Variants in HYDIN observed in about 807,000 individuals in gnomAD.
HYDIN encodes axonemal central pair apparatus protein HYDIN.
In HYDIN, 132 loss-of-function variants were observed where a neutral mutation model predicts 403.9. The observed-to-expected ratio is 0.33, with a 90% CI of 0.28 to 0.38. The LOEUF is 0.38. Ranked by LOEUF, HYDIN falls within the 10% of genes least tolerant of loss-of-function variation. The pLI, the probability that HYDIN is intolerant of heterozygous loss-of-function variation, is 1.00. For synonymous variants in HYDIN, 1,202 were observed against 1,891.7 expected (o/e 0.64, Z 9.46); for missense variants, 2,827 against 5,009.5 (o/e 0.56, Z 13.15).
In HYDIN at chr16:71,186,917, A is replaced by T. The variant is rs767522291; in HGVS notation, c.-22T>A. On this transcript the variant is annotated splice_region_variant and 5_prime_UTR_variant, in exon 2 of 86. Transcript: ENST00000393567. Reference sequence around the variant, plus strand: ...TCATTTTTAGTAATTTTTTTTTCTCACCTAAGAGTGAAACAAAAATGTCTT... The same window carrying T: ...TCATTTTTAGTAATTTTTTTTTCTCTCCTAAGAGTGAAACAAAAATGTCTT... 5 of 1,595,312 alleles carry T rather than the reference A, an allele frequency of 3.1e-6. No individual in the cohort carries two copies. Among genetic ancestry groups the T allele is most frequent in the Non-Finnish European group, 8.5e-7 (1 of 1,170,948 alleles).
At chr16:70,946,989 G>T (rs1011261880) in intron 41 of HYDIN, among the ~76,000 whole-genome samples, 6 of 151,924 alleles carry the variant, frequency 3.9e-5, no homozygotes, top group Non-Finnish European at 8.8e-5. Flanking sequence ...CTACAAACAG[G>T]GACAATTTGA....
Position 70,855,228 on chromosome 16 carries a change from C to G in HYDIN, c.12343G>C (p.Gly4115Arg), listed in dbSNP as rs772166531. 1.9e-6 allele frequency: 3 copies of G among 1,569,944 alleles called. No homozygotes were observed. The highest frequency in any genetic ancestry group is 2.6e-6 in the Non-Finnish European group (3 of 1,163,668). ...TVQIINKEEQ[G>R]FDFSFQDNSR... ...TTGTCCTGGAAGGAAAAATCGAACC[C>G]CTGCTCCTCCTTGTTAATGATCTGC... Residue 4115 changes from glycine (G) to arginine (R), a missense_variant, in exon 73 of 86, where the codon GGG (glycine) becomes CGG (arginine). Coordinates refer to ENST00000393567, the MANE Select transcript of HYDIN (RefSeq NM_001270974.2).
intron 84 of HYDIN, among the ~76,000 whole-genome samples, chr16:70,816,317 T>A (rs2035837888): frequency 6.6e-6 from 1 of 152,088 alleles, no homozygotes; most frequent in Admixed American, 6.5e-5. Flanking sequence ...GTTCAGAAAT[T>A]AAGAAACTCT....
intron 1 of HYDIN, among the ~76,000 whole-genome samples, chr16:71,188,515 C>A (rs1397537210): frequency 6.6e-6 from 1 of 152,084 alleles, no homozygotes; most frequent in Non-Finnish European, 1.5e-5. Context: ...AAATCATTAA[C>A]AACACAAAGA....
chr16:71,203,111 C>T (rs2088107191), intron 1 of HYDIN, among the ~76,000 whole-genome samples: 1 of 152,036 alleles, frequency 6.6e-6, no homozygotes, highest in Admixed American at 6.6e-5. Flanking sequence ...AGAGCAAAGC[C>T]AAGTATATAA....
rs190727701 is a variant in HYDIN at position 70,984,378 on chromosome 16, T to C, written c.4332+807A>G. Among the ~76,000 whole-genome samples the C allele has an allele frequency of 2.3e-3, 300 of 132,704 alleles. 2 individuals are homozygous for C. Among genetic ancestry groups the C allele is most frequent in the African/African-American group, 8.2e-3 (281 of 34,208 alleles). 87.1% of individuals were successfully genotyped at this position (132,704 alleles called of 152,430 possible). On this transcript the variant is annotated intron_variant, in intron 28 of 85. Transcript: ENST00000393567. The stretch of plus-strand genomic sequence containing the variant: ...CCAGTCTAGGTGACAGAGCCAGACA[T>C]GGTCTTAAAAAAAAAAAAAAAAAAA...
At chr16:71,027,407 C>A in intron 20 of HYDIN, 195 bp downstream of exon 20, 3 of 1,462,062 alleles carry the variant, frequency 2.1e-6, no homozygotes, top group East Asian at 2.5e-5. Context: ...ACAGTAGCTA[C>A]AGAAACAAAT....
At chr16:71,178,378 C>T (rs1487969264) in intron 4 of HYDIN, among the ~76,000 whole-genome samples, 1 of 145,610 alleles carries the variant, frequency 6.9e-6, no homozygotes, top group African/African-American at 2.6e-5. Flanking sequence ...GAGATCGTAC[C>T]ATTGCACTCC....
intron 5 of HYDIN, 52 bp downstream of exon 5, chr16:71,175,555 A>T: frequency 6.3e-7 from 1 of 1,587,486 alleles, no homozygotes; most frequent in Admixed American, 1.7e-5. Flanking sequence ...TTCAGAATTG[A>T]ACTGCAATCT....
chr16:70,858,852 C>T (rs1021187113), intron 71 of HYDIN, among the ~76,000 whole-genome samples: 1 of 151,752 alleles, frequency 6.6e-6, no homozygotes, highest in Non-Finnish European at 1.5e-5. Flanking sequence ...GCTCCTGGAC[C>T]TTGTCACATT....
At chr16:71,066,579 A>G (rs1469707282) in intron 15 of HYDIN, 1 of 213,086 alleles carries the variant, frequency 4.7e-6, no homozygotes. Flanking sequence ...CTGGACACTG[A>G]TTGCTTTGGG....
intron 84 of HYDIN, among the ~76,000 whole-genome samples, chr16:70,816,252 A>C (rs1437864263): frequency 1.3e-5 from 2 of 152,222 alleles, no homozygotes; most frequent in African/African-American, 4.8e-5. Context: ...GAAATAATAT[A>C]GAATATGTTC....
At chr16:70,841,619 C>T (rs1208636108) in intron 75 of HYDIN, among the ~76,000 whole-genome samples, 5 of 152,076 alleles carry the variant, frequency 3.3e-5, no homozygotes, top group African/African-American at 4.8e-5. Flanking sequence ...CATGAGGGAT[C>T]GCCCTCATGA....
At chr16:71,019,450 G>C (rs1197898355) in intron 22 of HYDIN, among the ~76,000 whole-genome samples, 1 of 152,298 alleles carries the variant, frequency 6.6e-6, no homozygotes, top group Admixed American at 6.5e-5. Flanking sequence ...TGACTCTTCA[G>C]CATTGGCCTA....
intron 18 of HYDIN, among the ~76,000 whole-genome samples, chr16:71,042,501 C>T (rs1205699968): frequency 1.3e-5 from 2 of 152,030 alleles, no homozygotes; most frequent in Non-Finnish European, 2.9e-5. Flanking sequence ...CTTCATCCTC[C>T]CAATATAGTT....
chr16:70,986,102 TAATAAAAAG>T (rs956852994), intron 27 of HYDIN, among the ~76,000 whole-genome samples: 1 of 119,458 alleles, frequency 8.4e-6, no homozygotes, highest in Non-Finnish European at 1.7e-5. Flanking sequence ...ACTTAAAGTA[TAATAAAAAG>T]AATTAAAATA....
At chr16:71,148,641 T>C (rs936604351) in intron 7 of HYDIN, among the ~76,000 whole-genome samples, 6 of 151,614 alleles carry the variant, frequency 4.0e-5, no homozygotes, top group African/African-American at 1.5e-4. Context: ...AAACTGTACT[T>C]CATCAAAATT....
chr16:71,000,731 C>T (rs1406847817), intron 23 of HYDIN, among the ~76,000 whole-genome samples: 1 of 151,404 alleles, frequency 6.6e-6, no homozygotes, highest in Non-Finnish European at 1.5e-5. Context: ...GGTAATTTGA[C>T]CCCCCGGTCA....
chr16:70,899,940 G>T (rs2076317007), intron 53 of HYDIN, among the ~76,000 whole-genome samples: 1 of 151,596 alleles, frequency 6.6e-6, no homozygotes, highest in African/African-American at 2.4e-5. Flanking sequence ...AGCAAGTTGC[G>T]ATGTGGAGGC....
Sources: allele counts gnomAD v4.1 joint callset (sites outside exome capture counted in the v4.1 genomes callset), GRCh38; gene constraint gnomAD v4.1.1; transcripts MANE v1.5; gene names NCBI Gene and HGNC (gene_info 2026-07-23, HGNC 2026-07-21).